Variants in ZNF658 observed in about 807,000 individuals in gnomAD.
The protein encoded by ZNF658 is zinc finger protein 658.
In ZNF658, 46 loss-of-function variants were observed where a neutral mutation model predicts 78.0. The observed-to-expected ratio is 0.59, with a 90% CI of 0.47 to 0.75. ZNF658 has a LOEUF of 0.75. Ranked by LOEUF, ZNF658 falls within the 30% of genes least tolerant of loss-of-function variation. ZNF658 has a pLI of 0.00. For synonymous variants in ZNF658, 279 were observed against 408.4 expected, an observed-to-expected ratio of 0.68 and a Z score of 3.82; for missense variants, 785 against 1,189.3, an observed-to-expected ratio of 0.66 and a Z score of 5.00.
At chr9:66,901,648 T>TA (rs1225704063) in intron 1 of ZNF658, among the ~76,000 whole-genome samples, 2 of 152,064 alleles carry the variant, frequency 1.3e-5, no homozygotes, top group African/African-American at 4.8e-5. Flanking sequence ...AACACAAATA[T>TA]AAATCAGAAT....
At chr9:66,927,075 A>C (rs1439375765) in intron 6 of ZNF658, among the ~76,000 whole-genome samples, 1 of 152,150 alleles carries the variant, frequency 6.6e-6, no homozygotes, top group Non-Finnish European at 1.5e-5. Context: ...TAAAAACTTA[A>C]ATGCAAGGTG....
At position 66,909,694 on chromosome 9, in the gene ZNF658, G is replaced by A. The variant is rs1203184127; in HGVS notation, c.238+960G>A. Among the ~76,000 whole-genome samples, 4 of 152,162 alleles carry A rather than the reference G, an allele frequency of 2.6e-5. No homozygotes were observed. The East Asian group carries it at 7.7e-4, about 29-fold the overall frequency. On this transcript the variant is annotated intron_variant, in intron 4 of 4. Coordinates refer to ENST00000621410, the MANE Select transcript of ZNF658 (RefSeq NM_033160.7). ...CCGTTCCTAACAACAGCATATGGGG[G>A]TTCTGATTTCTCCACATCCTCACCA...
intron 2 of ZNF658, among the ~76,000 whole-genome samples, chr9:66,906,717 G>T (rs1253064520): frequency 6.7e-6 from 1 of 149,708 alleles, no homozygotes; most frequent in South Asian, 2.1e-4. Flanking sequence ...TTCTCCTGTT[G>T]TTTCAGATGT....
chr9:66,905,533 A>G (rs1342108837), intron 2 of ZNF658, among the ~76,000 whole-genome samples: 2 of 151,526 alleles, frequency 1.3e-5, no homozygotes, highest in Non-Finnish European at 2.9e-5. Flanking sequence ...TATTTGGCAT[A>G]TGTTGATAAG....
rs949600506 is a variant in ZNF658, at chr9:66,921,112, T to G, written c.*366T>G. 1 of 208,120 alleles carries G rather than the reference T, an allele frequency of 4.8e-6. No individual in the cohort carries two copies. Among genetic ancestry groups the G allele is most frequent in the Admixed American group, 5.3e-5 (1 of 19,028 alleles). The allele number at this position is 208,120 out of a possible 1,614,324, so 12.9% of individuals were successfully genotyped here. On this transcript the variant is annotated 3_prime_UTR_variant, in exon 5 of 5. Transcript: ENST00000621410. ...CTTCCAGGTCTTCATCAGGGTTTTG[T>G]TTTTGTTGCTTTAAAGCAAGAGTTA...
chr9:66,915,084 CACACACACAT>C (rs1470855878), intron 4 of ZNF658, among the ~76,000 whole-genome samples: 2 of 149,838 alleles, frequency 1.3e-5, no homozygotes, highest in South Asian at 2.1e-4. Context: ...CACACACACA[CACACACACAT>C]ACACATATAT....
At chr9:66,921,568 C>T (rs1822528112), downstream of ZNF658, 2 of 151,376 alleles carry the variant, frequency 1.3e-5, no homozygotes, top group Admixed American at 6.6e-5. Context: ...AAAATATTTA[C>T]CTATAGAAAA....
chr9:66,908,439 T>A, intron 3 of ZNF658, 75 bp downstream of exon 3: 1 of 1,598,616 alleles, frequency 6.3e-7, no homozygotes, highest in Non-Finnish European at 8.5e-7. Context: ...ACATGGACCC[T>A]TTATAGAGAT....
Position 66,921,014 on chromosome 9 carries a change from A to G in ZNF658, c.*268A>G, listed in dbSNP as rs1822514412. 2.0e-6 allele frequency: 1 copy of G among 508,626 alleles called. No homozygotes were observed. The highest frequency in any genetic ancestry group is 3.3e-5 in the East Asian group (1 of 29,914). The allele number at this position is 508,626 out of a possible 1,614,324, so 31.5% of individuals were successfully genotyped here. On this transcript the variant is annotated 3_prime_UTR_variant, in exon 5 of 5. Transcript: ENST00000621410. ...GATTTGGAGGTTATTTCTGCAGCAA[A>G]CTTGGGTCCTGTGTGTTCAAAACCA...
downstream of ZNF658, among the ~76,000 whole-genome samples, chr9:66,922,437 G>A (rs1460953576): frequency 7.0e-6 from 1 of 142,372 alleles, no homozygotes; most frequent in Non-Finnish European, 1.5e-5. Context: ...CTCACGCTGG[G>A]AGCTGTAGAC....
In ZNF658 at chr9:66,908,812, G is replaced by A. The variant is rs956590765; in HGVS notation, c.238+78G>A. ...GAGAGCACCTTTGAAAGTTTTTTTG[G>A]AACAGCTTTATTGAGATATAATTCA... On this transcript the variant is annotated intron_variant, in intron 4 of 4. Coordinates refer to ENST00000621410, the MANE Select transcript of ZNF658 (RefSeq NM_033160.7). 5.3e-4 allele frequency: 511 copies of A among 963,184 alleles called. 2 individuals are homozygous for A. In the African/African-American group the frequency reaches 7.4e-3, roughly 14 times the overall value. The allele number at this position is 963,184 out of a possible 1,614,324, so 59.7% of individuals were successfully genotyped here. A position where few individuals can be genotyped will look rare whatever the true frequency, so the allele number is the denominator to read the frequency against.
intron 6 of ZNF658, among the ~76,000 whole-genome samples, chr9:66,927,140 C>A (rs1272791188): frequency 6.6e-6 from 1 of 152,112 alleles, no homozygotes; most frequent in Non-Finnish European, 1.5e-5. Context: ...TTCCAAAATA[C>A]GTCAGGAACT....
rs910302303 is a variant in ZNF658, at chr9:66,907,370, AC to A, written c.16-866del. Among the ~76,000 whole-genome samples, 35 of 151,968 alleles carry A rather than the reference AC, an allele frequency of 2.3e-4. 1 individual carries two copies. On this transcript the variant is annotated intron_variant, in intron 2 of 4. Coordinates refer to ENST00000621410, the MANE Select transcript of ZNF658 (RefSeq NM_033160.7). ...TTCTTTCCCAGATACCAGTTTTGGCACCACCAAGCAGCTGCTTATTTTGAAA... is the reference window on the plus strand; with the variant it reads ...TTCTTTCCCAGATACCAGTTTTGGCACACCAAGCAGCTGCTTATTTTGAAA...
intron 4 of ZNF658, among the ~76,000 whole-genome samples, chr9:66,910,238 G>A (rs562740500): frequency 1.3e-5 from 2 of 152,192 alleles, no homozygotes; most frequent in South Asian, 2.1e-4. Context: ...CTTTTTATAT[G>A]CCTATTAGGC....
intron 3 of ZNF658, 29 bp downstream of exon 3, chr9:66,908,393 C>T (rs4339692): frequency 2.0e-4 from 321 of 1,613,722 alleles, no homozygotes; most frequent in Non-Finnish European, 2.6e-4. Context: ...GGGGCTCTCT[C>T]GAGAATATAT....
chr9:66,913,493 T>G (rs1320121664), intron 4 of ZNF658, among the ~76,000 whole-genome samples: 1 of 151,724 alleles, frequency 6.6e-6, no homozygotes, highest in East Asian at 1.9e-4. Flanking sequence ...AGTGGGGAAC[T>G]GGACTTCCTT....
At chr9:66,916,180 G>A (rs145110894) in intron 4 of ZNF658, among the ~76,000 whole-genome samples, 69 of 152,270 alleles carry the variant, frequency 4.5e-4, no homozygotes, top group African/African-American at 1.1e-3. Flanking sequence ...GAGCCACCGC[G>A]TCTGGCCAAA....
rs571332700 is a variant in ZNF658 at position 66,908,764 on chromosome 9, T to A, written c.238+30T>A. 5.8e-5 allele frequency: 93 copies of A among 1,604,032 alleles called. No homozygotes were observed. The South Asian group carries it at 8.3e-4, about 14-fold the overall frequency. ...GTGGGCATTAACAGAAGGAGCCCCC[T>A]GGGGGTACTTAGTCTTTAGAGGGAG... On this transcript the variant is annotated intron_variant, in intron 4 of 4. Coordinates refer to ENST00000621410, the MANE Select transcript of ZNF658 (RefSeq NM_033160.7).
At chr9:66,910,298 T>A (rs982645728) in intron 4 of ZNF658, among the ~76,000 whole-genome samples, 99 of 152,246 alleles carry the variant, frequency 6.5e-4, no homozygotes, top group Non-Finnish European at 1.1e-3. Context: ...TAGTTTTCAA[T>A]GTCATTTTTA....
Sources: gnomAD v4.1 joint callset for allele counts (sites outside exome capture counted in the v4.1 genomes callset) on GRCh38, gnomAD v4.1.1 for gene constraint, MANE v1.5 for transcripts, NCBI Gene and HGNC (gene_info 2026-07-23, HGNC 2026-07-21) for gene names.